CD109: variants seen among roughly 807,000 people sequenced by gnomAD.
The protein encoded by CD109 is CD109 molecule.
CD109 carries 149 observed loss-of-function variants against 165.8 expected under a neutral mutation model. The ratio of observed to expected loss-of-function variants is 0.90; its 90% confidence interval spans 0.79 to 1.03. CD109 has a LOEUF of 1.03. Ranked by LOEUF, CD109 falls within the 50% of genes least tolerant of loss-of-function variation. The pLI, the probability that CD109 is intolerant of heterozygous loss-of-function variation, is 0.00. For synonymous variants in CD109, 585 were observed against 592.1 expected, an observed-to-expected ratio of 0.99 and a Z score of 0.18; for missense variants, 1,712 against 1,677.8, an observed-to-expected ratio of 1.02 and a Z score of -0.36.
chr6:73,696,233 C>T lies in CD109; in HGVS notation c.18C>T (p.Leu6=), dbSNP rs1047696471. 3 of 1,544,790 alleles carry T rather than the reference C, an allele frequency of 1.9e-6. No individual in the cohort carries two copies. Among genetic ancestry groups the T allele is most frequent in the African/African-American group, 1.4e-5 (1 of 72,704 alleles). ...CCGTCGAGATGCAGGGCCCACCGCT[C>T]CTGACCGCCGCCCACCTCCTCTGCG... MQGPP[L]LTAAHLLCVC... The change falls in exon 1 of 33, where the codon CTC becomes CTT. Residue 6 remains leucine, a synonymous_variant. Coordinates refer to ENST00000287097, the MANE Select transcript of CD109 (RefSeq NM_133493.5).
At position 73,826,144 on chromosome 6, in the gene CD109, C is replaced by T. The variant is rs1293009090; in HGVS notation, c.*2511C>T. 1.3e-5 allele frequency: 2 copies of T among 152,150 alleles called. No homozygotes were observed. Among genetic ancestry groups the T allele is most frequent in the Non-Finnish European group, 2.9e-5 (2 of 68,078 alleles). 9.4% of individuals were successfully genotyped at this position (152,150 alleles called of 1,614,324 possible). On this transcript the variant is annotated 3_prime_UTR_variant, in exon 33 of 33. Transcript: ENST00000287097. ...CCGGCCACTTCTTCCTTCATACTTCCCTTAGAGAACTTGCTCTGCTACAAG... is the reference window on the plus strand; with the variant it reads ...CCGGCCACTTCTTCCTTCATACTTCTCTTAGAGAACTTGCTCTGCTACAAG...
chr6:73,770,443 A>C (rs941352473), intron 14 of CD109, among the ~76,000 whole-genome samples: 6 of 152,170 alleles, frequency 3.9e-5, no homozygotes, highest in Non-Finnish European at 8.8e-5. Context: ...GAGCTAGATG[A>C]AATGAAAATT....
At chr6:73,713,175 T>C (rs898130515) in intron 2 of CD109, among the ~76,000 whole-genome samples, 6 of 152,220 alleles carry the variant, frequency 3.9e-5, no homozygotes, top group African/African-American at 1.4e-4. Context: ...TGCTAGGACT[T>C]CATAAGTGCC....
At chr6:73,747,718 C>A (rs1236772918) in intron 5 of CD109, among the ~76,000 whole-genome samples, 1 of 152,124 alleles carries the variant, frequency 6.6e-6, no homozygotes. Context: ...CCCACCACAC[C>A]TGGCTCCTCT....
At position 73,791,118 on chromosome 6, in the gene CD109, C is replaced by CATAT. The variant is rs574272386; in HGVS notation, c.2702-1502_2702-1499dup. Reference sequence around the variant, plus strand: ...ATAGGCAGAGGACTTTATTTGGAGGCATATATATACATACATACATATATA... The same window carrying CATAT: ...ATAGGCAGAGGACTTTATTTGGAGGCATATATATATATACATACATACATATATA... On this transcript the variant is annotated intron_variant, in intron 22 of 32. Coordinates refer to ENST00000287097, the MANE Select transcript of CD109 (RefSeq NM_133493.5). 2.2e-3 allele frequency among the ~76,000 whole-genome samples: 140 copies of CATAT among 63,438 alleles called. 3 individuals are homozygous for CATAT. Among genetic ancestry groups the CATAT allele is most frequent in the East Asian group, 0.01 (14 of 1,334 alleles). 41.6% of individuals were successfully genotyped at this position (63,438 alleles called of 152,430 possible).
rs556846046 is a variant in CD109, at chr6:73,805,388, C to T, written c.2961-1456C>T. 1.2e-4 allele frequency among the ~76,000 whole-genome samples: 18 copies of T among 152,262 alleles called. No individual in the cohort carries two copies. In the South Asian group the frequency reaches 3.1e-3, roughly 26 times the overall value. On this transcript the variant is annotated intron_variant, in intron 24 of 32. Coordinates refer to ENST00000287097, the MANE Select transcript of CD109 (RefSeq NM_133493.5). The stretch of plus-strand genomic sequence containing the variant: ...TGCCTTAAAGAGCAGTATTGCTGCC[C>T]GCATGTCCCACCTCCAGCCCTAAGG...
intron 5 of CD109, among the ~76,000 whole-genome samples, chr6:73,736,730 A>G (rs1029770828): frequency 6.6e-6 from 1 of 152,214 alleles, no homozygotes; most frequent in Admixed American, 6.5e-5. Context: ...TTTCTATGAT[A>G]TGATGTTTAA....
intron 4 of CD109, among the ~76,000 whole-genome samples, chr6:73,731,103 A>G (rs914730253): frequency 5.3e-5 from 8 of 151,676 alleles, no homozygotes; most frequent in Admixed American, 2.6e-4. Context: ...CTGGAGTGCA[A>G]TGGCACGATC....
At chr6:73,803,689 T>TTGTGTGTGTGTGTG (rs71000156) in intron 24 of CD109, among the ~76,000 whole-genome samples, 4 of 149,412 alleles carry the variant, frequency 2.7e-5, no homozygotes, top group Non-Finnish European at 4.5e-5. Context: ...TAGTTTAAGT[T>TTGTGTGTGTGTGTG]TGTGTGTGTG....
intron 20 of CD109, among the ~76,000 whole-genome samples, chr6:73,785,683 C>A (rs1468114895): frequency 1.3e-5 from 2 of 152,118 alleles, no homozygotes; most frequent in Admixed American, 6.5e-5. Flanking sequence ...CACATTACCT[C>A]CTTGAATTTT....
intron 2 of CD109, among the ~76,000 whole-genome samples, chr6:73,721,366 CTT>C (rs200895014): frequency 3.0e-4 from 41 of 138,634 alleles, no homozygotes; most frequent in Admixed American, 5.0e-4. Context: ...ATTTTTATTT[CTT>C]TTTTTTTTTT....
intron 16 of CD109, among the ~76,000 whole-genome samples, 162 bp downstream of exon 16, chr6:73,780,660 C>T (rs1027870155): frequency 4.0e-5 from 6 of 151,290 alleles, no homozygotes; most frequent in Admixed American, 4.0e-4. Flanking sequence ...ATCATCTTTC[C>T]AGTTTTAAAA....
the CD109 span, among the ~76,000 whole-genome samples, chr6:73,686,334 G>A: frequency 1.3e-5 from 2 of 152,234 alleles, no homozygotes; most frequent in East Asian, 3.9e-4. Context: ...AAATTTATTT[G>A]TTGAAGGAAT....
At chr6:73,792,951 C>A in intron 23 of CD109, 149 bp downstream of exon 23, 1 of 602,348 alleles carries the variant, frequency 1.7e-6, no homozygotes, top group Non-Finnish European at 2.9e-6. Flanking sequence ...GAAGTGCAAA[C>A]AATGGAAAGC....
chr6:73,733,305 C>T (rs913038189), intron 4 of CD109, among the ~76,000 whole-genome samples: 7 of 152,142 alleles, frequency 4.6e-5, no homozygotes, highest in African/African-American at 4.8e-5. Flanking sequence ...TGAGAGTTAA[C>T]GGGGCCCATC....
intron 5 of CD109, among the ~76,000 whole-genome samples, chr6:73,752,383 T>G (rs978750103): frequency 6.6e-6 from 1 of 152,204 alleles, no homozygotes; most frequent in Non-Finnish European, 1.5e-5. Flanking sequence ...ATTTGTATTC[T>G]AGTCATAACA....
chr6:73,802,306 T>TATATATA (rs397687397), intron 23 of CD109, among the ~76,000 whole-genome samples: 31 of 46,204 alleles, frequency 6.7e-4, no homozygotes, highest in East Asian at 1.4e-3. Context: ...TATATATATA[T>TATATATA]TTTTTTTTTT....
At chr6:73,808,301 A>G (rs758863056) in intron 26 of CD109, 53 bp downstream of exon 26, 203 of 1,543,940 alleles carry the variant, frequency 1.3e-4, no homozygotes, top group Non-Finnish European at 1.5e-4. Flanking sequence ...TATATAACTT[A>G]CATGAGAAAA....
In CD109 at chr6:73,765,943, G is replaced by T; in HGVS notation, c.1121G>T (p.Arg374Leu). The T allele has an allele frequency of 6.2e-7, 1 of 1,613,260 alleles. No homozygotes were observed. The highest frequency in any genetic ancestry group is 1.1e-5 in the South Asian group (1 of 90,962). The stretch of plus-strand genomic sequence containing the variant: ...TTTGACCATTAGGTGAAGGTAACTC[G>T]TGCTGATGGCAACCAACTGACTCTT... ...LNFTATVKVT[R>L]ADGNQLTLEE... The change falls in exon 11 of 33, where the codon CGT (arginine) becomes CTT (leucine). Residue 374 changes from arginine to leucine, a missense_variant. Arg to Leu is a moderately radical substitution (Grantham distance 102). Transcript: ENST00000287097.
Sources: allele counts gnomAD v4.1 joint callset (sites outside exome capture counted in the v4.1 genomes callset), GRCh38; gene constraint gnomAD v4.1.1; transcripts MANE v1.5; gene names NCBI Gene and HGNC (gene_info 2026-07-23, HGNC 2026-07-21).